The following LENG8 variants were observed in gnomAD, a reference collection of about 807,000 sequenced individuals.
LENG8 encodes the protein leukocyte receptor cluster (LRC) member 8.
In LENG8, 28 loss-of-function variants were observed where a neutral mutation model predicts 102.1. The ratio of observed to expected loss-of-function variants is 0.27; its 90% CI spans 0.20 to 0.38. LENG8 has a LOEUF of 0.38. Among genes scored for constraint, LENG8 ranks in the 10% least tolerant of loss-of-function variants. The pLI, the probability that LENG8 is intolerant of heterozygous loss-of-function variation, is 1.00. For missense variants in LENG8, 1,022 were observed against 1,113.9 expected, an observed-to-expected ratio of 0.92 and a Z score of 1.17; for synonymous variants, 531 against 456.7, an observed-to-expected ratio of 1.16 and a Z score of -2.07.
At position 54,460,770 on chromosome 19, in the gene LENG8, C is replaced by T. The variant is rs1303299690; in HGVS notation, c.2245C>T (p.Arg749Cys). Residue 749 changes from arginine (R) to cysteine (C), a missense_variant, in exon 16 of 16, where the codon CGC (arginine) becomes TGC (cysteine). By Grantham distance (180) the Arg-to-Cys change is radical (BLOSUM62 -3). Around this residue, in one of 7 missense-constraint regions of LENG8, gnomAD observed 129 missense variants for 123.0 expected, o/e 1.05. Transcript: ENST00000326764. ...CTTCTCCTCTTGTCTCCATAGCTTCCGCCCTGCGCTGCCAGTCTCCTACCT... is the reference window on the plus strand; with the variant it reads ...CTTCTCCTCTTGTCTCCATAGCTTCTGCCCTGCGCTGCCAGTCTCCTACCT... ...VALKAMIKTFRPALPVSYLQA... is the reference protein window; with the variant it reads ...VALKAMIKTFCPALPVSYLQA... The T allele has an allele frequency of 1.5e-6, 2 of 1,342,910 alleles. No homozygotes were observed. The highest frequency in any genetic ancestry group is 2.0e-6 in the Non-Finnish European group (2 of 1,014,772). The allele number at this position is 1,342,910 out of a possible 1,614,324, so 83.2% of individuals were successfully genotyped here.
At chr19:54,451,000 C>T (rs2083937253) in intron 1 of LENG8, among the ~76,000 whole-genome samples, 1 of 152,176 alleles carries the variant, frequency 6.6e-6, no homozygotes, top group Non-Finnish European at 1.5e-5. Flanking sequence ...TCTCTTTGCT[C>T]ACATGGGTTT....
intron 15 of LENG8, 170 bp downstream of exon 15, chr19:54,458,691 G>T: frequency 6.4e-7 from 1 of 1,551,262 alleles, no homozygotes; most frequent in Non-Finnish European, 8.7e-7. Flanking sequence ...AGTTCCTCTT[G>T]CTCTCCTTGT....
chr19:54,449,770 GTC>G (rs1414721534), intron 1 of LENG8: 1 of 152,312 alleles, frequency 6.6e-6, no homozygotes, highest in African/African-American at 2.4e-5. Flanking sequence ...CAGGCCTCGC[GTC>G]TGATGCCTGT....
chr19:54,459,520 G>C (rs1237257963), intron 15 of LENG8: 2 of 988,420 alleles, frequency 2.0e-6, no homozygotes, highest in African/African-American at 3.5e-5. Context: ...AGCCTGGCCA[G>C]GTGGCCCTCC....
rs763151290 is a variant in LENG8 at position 54,456,757 on chromosome 19, C to T, written c.1567C>T (p.Arg523Cys). Residue 523 changes from arginine to cysteine, a missense_variant, in exon 11 of 16, where the codon CGC becomes TGC. By Grantham distance (180) the Arg-to-Cys change is radical. Around this residue, in one of 7 missense-constraint regions of LENG8, gnomAD observed 326 missense variants for 324.5 expected, o/e 1.00. Transcript: ENST00000326764. ...CCGCTTCCAGCACGGACACTCCCGC[C>T]GCCTGCGCCTCGAGCCCCTGGTGCT... ...AARFQHGHSR[R>C]LRLEPLVLQM... 2.8e-5 allele frequency: 45 copies of T among 1,611,370 alleles called. No homozygotes were observed. The highest frequency in any genetic ancestry group is 5.0e-5 in the Admixed American group (3 of 59,872).
intron 15 of LENG8, chr19:54,458,728 C>T (rs1199705937): frequency 1.9e-6 from 3 of 1,551,230 alleles, no homozygotes; most frequent in African/African-American, 1.4e-5. Flanking sequence ...CCGGGTCACT[C>T]CTCTCCCTCT....
rs1046089150 is a variant in LENG8 at position 54,461,351 on chromosome 19, C to T, written c.*423C>T. 2.6e-5 allele frequency: 12 copies of T among 456,300 alleles called. No homozygotes were observed. The highest frequency in any genetic ancestry group is 1.4e-4 in the Admixed American group (6 of 42,000). The allele number at this position is 456,300 out of a possible 1,614,324, so 28.3% of individuals were successfully genotyped here. ...AGCCCGTGCCCGCCTGCGGCGGGGGCACCCAGCAAGCCCGCCCACCGCCCG... is the reference window on the plus strand; with the variant it reads ...AGCCCGTGCCCGCCTGCGGCGGGGGTACCCAGCAAGCCCGCCCACCGCCCG... On this transcript the variant is annotated 3_prime_UTR_variant, in exon 16 of 16. Coordinates refer to ENST00000326764, the MANE Select transcript of LENG8 (RefSeq NM_052925.4).
At position 54,461,838 on chromosome 19, in the gene LENG8, G is replaced by C; in HGVS notation, c.*910G>C. ...CTCCCTCTTCTGCCATGTAACTGGAGGATGTGCTATGAGTTTGCAAACAGC... is the reference window on the plus strand; with the variant it reads ...CTCCCTCTTCTGCCATGTAACTGGACGATGTGCTATGAGTTTGCAAACAGC... On this transcript the variant is annotated 3_prime_UTR_variant, in exon 16 of 16. Transcript: ENST00000326764. 1.6e-6 allele frequency: 1 copy of C among 627,372 alleles called. No individual in the cohort carries two copies. The highest frequency in any genetic ancestry group is 3.1e-6 in the Non-Finnish European group (1 of 327,632). The allele number at this position is 627,372 out of a possible 1,614,324, so 38.9% of individuals were successfully genotyped here. A position where few individuals can be genotyped will look rare whatever the true frequency, so the allele number is the denominator to read the frequency against.
Position 54,461,685 on chromosome 19 carries a change from C to A in LENG8, c.*757C>A. 2.1e-6 allele frequency: 1 copy of A among 481,918 alleles called. No individual in the cohort carries two copies. 29.9% of individuals were successfully genotyped at this position (481,918 alleles called of 1,614,324 possible). A position where few individuals can be genotyped will look rare whatever the true frequency, so the allele number is the denominator to read the frequency against. ...TTCCCTTGGTTCAGCACAGGTAAAA[C>A]GGTTCCCCTCCCTCCCTGCCTTCAT... On this transcript the variant is annotated 3_prime_UTR_variant, in exon 16 of 16. Transcript: ENST00000326764.
Position 54,460,825 on chromosome 19 carries a change from C to G in LENG8, c.2300C>G (p.Ala767Gly). Reference sequence around the variant, plus strand: ...GCCGAGCTGGCCTTCGAGGGCGAGGCCGCCTGCCGGGCCTTCCTAGAGCCC... The same window carrying G: ...GCCGAGCTGGCCTTCGAGGGCGAGGGCGCCTGCCGGGCCTTCCTAGAGCCC... ...LQAELAFEGEAACRAFLEPLG... is the reference protein window; with the variant it reads ...LQAELAFEGEGACRAFLEPLG... The change falls in exon 16 of 16, where the codon GCC becomes GGC. Residue 767 changes from alanine to glycine, a missense_variant. Around this residue, in one of 7 missense-constraint regions of LENG8, gnomAD observed 129 missense variants for 123.0 expected, o/e 1.05. Coordinates refer to ENST00000326764, the MANE Select transcript of LENG8 (RefSeq NM_052925.4). 1 of 1,558,968 alleles carries G rather than the reference C, an allele frequency of 6.4e-7. No individual in the cohort carries two copies. Among genetic ancestry groups the G allele is most frequent in the East Asian group, 2.4e-5 (1 of 40,848 alleles).
At chr19:54,460,052 A>G in intron 15 of LENG8, 1 of 1,287,372 alleles carries the variant, frequency 7.8e-7, no homozygotes, top group Non-Finnish European at 1.0e-6. Flanking sequence ...CCTTCCCCCC[A>G]AGGAGGCTGA....
rs1293499561 is a variant in LENG8 at position 54,452,215 on chromosome 19, C to A, written c.161C>A (p.Ala54Asp). The change falls in exon 3 of 16, where the codon GCT (alanine) becomes GAT (aspartate). Residue 54 changes from alanine to aspartate, a missense_variant. Physicochemically the swap from Ala to Asp is moderately radical, Grantham distance 126. Around this residue, in one of 7 missense-constraint regions of LENG8, gnomAD observed 343 missense variants for 320.2 expected, o/e 1.07. Coordinates refer to ENST00000326764, the MANE Select transcript of LENG8 (RefSeq NM_052925.4). The part of the protein sequence containing the change: ...QALASISKSG[A>D]AGGSAKSSSN... ...CTGGCCAGCATCAGCAAGTCAGGAG[C>A]TGCCGGCGGCTCTGCCAAGTCCAGC... 6.2e-7 allele frequency: 1 copy of A among 1,613,810 alleles called. No individual in the cohort carries two copies. The highest frequency in any genetic ancestry group is 1.3e-5 in the African/African-American group (1 of 74,932).
chr19:54,460,541 C>T, intron 15 of LENG8: 5 of 1,408,530 alleles, frequency 3.5e-6, no homozygotes, highest in Non-Finnish European at 4.6e-6. Flanking sequence ...GGCCCCCGCA[C>T]AGGTAAGTGA....
chr19:54,461,615 C>G lies in LENG8; in HGVS notation c.*687C>G, dbSNP rs771363051. The G allele has an allele frequency of 6.3e-6, 3 of 473,534 alleles. No homozygotes were observed. Among genetic ancestry groups the G allele is most frequent in the African/African-American group, 6.0e-5 (3 of 50,110 alleles). The allele number at this position is 473,534 out of a possible 1,614,324, so 29.3% of individuals were successfully genotyped here. A position where few individuals can be genotyped will look rare whatever the true frequency, so the allele number is the denominator to read the frequency against. On this transcript the variant is annotated 3_prime_UTR_variant, in exon 16 of 16. Coordinates refer to ENST00000326764, the MANE Select transcript of LENG8 (RefSeq NM_052925.4). Reference sequence around the variant, plus strand: ...CCTCCTCCCTCTGCCCCCAGTGTTTCTTCTGATTTTTTTTTCCCCTTTCCC... The same window carrying G: ...CCTCCTCCCTCTGCCCCCAGTGTTTGTTCTGATTTTTTTTTCCCCTTTCCC...
Position 54,452,149 on chromosome 19 carries a change from C to G in LENG8, c.95C>G (p.Pro32Arg). The change falls in exon 3 of 16, where the codon CCG (proline) becomes CGG (arginine). Residue 32 changes from proline (P) to arginine (R), a missense_variant. Coordinates refer to ENST00000326764, the MANE Select transcript of LENG8 (RefSeq NM_052925.4). The part of the protein sequence containing the change: ...GAGRENGMET[P>R]MHENPEWEKA... ...GGCCGAGAGAATGGCATGGAGACGC[C>G]GATGCACGAGAACCCGGAGTGGGAG... 1.2e-6 allele frequency: 2 copies of G among 1,614,080 alleles called. No homozygotes were observed. The highest frequency in any genetic ancestry group is 1.7e-6 in the Non-Finnish European group (2 of 1,179,998).
intron 4 of LENG8, 39 bp from the exon 5 acceptor site, chr19:54,453,507 A>T: frequency 7.2e-7 from 1 of 1,387,992 alleles, no homozygotes; most frequent in South Asian, 1.2e-5. Flanking sequence ...CGGAAAGGGT[A>T]GGCCTCCCAC....
At chr19:54,460,719 G>GGGCA in intron 15 of LENG8, 47 bp from the exon 16 acceptor site, 4 of 778,920 alleles carry the variant, frequency 5.1e-6, no homozygotes, top group East Asian at 5.4e-5. Flanking sequence ...GCCCTCCCCT[G>GGGCA]CCCTCCCGCC....
Position 54,456,407 on chromosome 19 carries a change from C to T in LENG8, c.1387C>T (p.Arg463Trp), listed in dbSNP as rs750373164. 18 of 1,610,610 alleles carry T rather than the reference C, an allele frequency of 1.1e-5. No individual in the cohort carries two copies. The Admixed American group carries it at 1.5e-4, about 13-fold the overall frequency. ...CCGCAGGAACCCGCCCCCTAAGGGCCGGGGCGGTCGAGGGGCCCATATGGA... is the reference window on the plus strand; with the variant it reads ...CCGCAGGAACCCGCCCCCTAAGGGCTGGGGCGGTCGAGGGGCCCATATGGA... ...VGRRNPPPKGRGGRGAHMDRG... is the reference protein window; with the variant it reads ...VGRRNPPPKGWGGRGAHMDRG... Residue 463 changes from arginine (R) to tryptophan (W), a missense_variant, in exon 10 of 16, where the codon CGG (arginine) becomes TGG (tryptophan). By Grantham distance (101) the Arg-to-Trp change is moderately radical. This residue lies in a region of LENG8 where 326 missense variants were observed against 324.5 expected (regional missense o/e 1.00). Transcript: ENST00000326764.
chr19:54,459,365 G>A (rs2084414906), intron 15 of LENG8: 8 of 997,652 alleles, frequency 8.0e-6, no homozygotes, highest in South Asian at 4.4e-5. Flanking sequence ...GGCTGTCCAC[G>A]TGAGGTCATA....
Sources: allele counts gnomAD v4.1 joint callset (sites outside exome capture counted in the v4.1 genomes callset), GRCh38; gene constraint gnomAD v4.1.1; regional missense constraint gnomAD v4.1.1; transcripts MANE v1.5; gene names NCBI Gene and HGNC (gene_info 2026-07-23, HGNC 2026-07-21).